Variants in TMPRSS5 observed in about 807,000 individuals in gnomAD.
TMPRSS5 encodes transmembrane serine protease 5.
In TMPRSS5, 45 loss-of-function variants were observed where a neutral mutation model predicts 59.7. The observed-to-expected ratio is 0.75, with a 90% confidence interval of 0.59 to 0.97. The LOEUF (loss-of-function observed/expected upper bound fraction) is 0.97, where lower values mean the gene tolerates loss of function less well. TMPRSS5 is among the 50% of genes least tolerant of loss of function. TMPRSS5 has a pLI of 0.00. For missense variants in TMPRSS5, 585 were observed against 596.7 expected (o/e 0.98, Z 0.20); for synonymous variants, 225 against 232.0 (o/e 0.97, Z 0.27).
Position 113,706,162 on chromosome 11 carries a change from G to A in TMPRSS5, c.3+60C>T. On this transcript the variant is annotated intron_variant, in intron 1 of 12. Coordinates refer to ENST00000299882, the MANE Select transcript of TMPRSS5 (RefSeq NM_030770.4). ...AGCCTAGAATCCCAAGGGCAGAGGA[G>A]GGAGAGAGAAAGAAAGAGAGAGAGG... 2.6e-6 allele frequency: 4 copies of A among 1,568,268 alleles called. No homozygotes were observed. The South Asian group carries it at 3.5e-5, about 14-fold the overall frequency.
chr11:113,695,328 C>T, intron 7 of TMPRSS5, 72 bp downstream of exon 7: 1 of 1,555,966 alleles, frequency 6.4e-7, no homozygotes, highest in Non-Finnish European at 8.8e-7. Context: ...CCATAGGGCT[C>T]TTCCACACTT....
rs949924613 is a variant in TMPRSS5 at position 113,690,139 on chromosome 11, A to C, written c.1206+92T>G. The C allele has an allele frequency of 6.8e-6, 10 of 1,468,566 alleles. No individual in the cohort carries two copies. In the African/African-American group the frequency reaches 1.4e-4, roughly 21 times the overall value. The allele number at this position is 1,468,566 out of a possible 1,614,324, so 91.0% of individuals were successfully genotyped here. A position where few individuals can be genotyped will look rare whatever the true frequency, so the allele number is the denominator to read the frequency against. The stretch of plus-strand genomic sequence containing the variant: ...GCTGTCTCACACCACTGACAAGCTC[A>C]GACCAGGGCAGGGGGCCAAGTCACA... On this transcript the variant is annotated intron_variant, in intron 11 of 12. Coordinates refer to ENST00000299882, the MANE Select transcript of TMPRSS5 (RefSeq NM_030770.4).
intron 1 of TMPRSS5, among the ~76,000 whole-genome samples, chr11:113,702,474 G>C (rs1953167484): frequency 6.6e-6 from 1 of 152,158 alleles, no homozygotes; most frequent in South Asian, 2.1e-4. Flanking sequence ...AAAATTTGTA[G>C]CCTGATGATG....
Position 113,690,363 on chromosome 11 carries a change from C to A in TMPRSS5, c.1074G>T (p.Ser358=), listed in dbSNP as rs745640138. ...GHTHPSHTYS[S]DMLQDTVVPL... is the part of the protein sequence containing the mutation. Reference sequence around the variant, plus strand: ...GCACCACCGTGTCCTGGAGCATATCCGAGCTGTAAGCTATGAGAGACACCG... The same window carrying A: ...GCACCACCGTGTCCTGGAGCATATCAGAGCTGTAAGCTATGAGAGACACCG... The change falls in exon 11 of 13, where the codon TCG becomes TCT. Residue 358 remains serine, a synonymous_variant. Transcript: ENST00000299882. The A allele has an allele frequency of 1.2e-6, 2 of 1,605,340 alleles. No individual in the cohort carries two copies. The highest frequency in any genetic ancestry group is 3.4e-5 in the Admixed American group (2 of 58,472).
At chr11:113,692,722 A>G (rs1290198158) in intron 9 of TMPRSS5, among the ~76,000 whole-genome samples, 1 of 152,166 alleles carries the variant, frequency 6.6e-6, no homozygotes, top group Non-Finnish European at 1.5e-5. Context: ...TGTATCTCAT[A>G]AACTGTAACA....
rs776460873 is a variant in TMPRSS5, at chr11:113,694,564, G to C, written c.699C>G (p.Ala233=). ...TGTGCCGGAAGCCCAGGGCCACGCT[G>C]GCCTGCCACGGCCAGCGCCCAGGAG... is the stretch of plus-strand genomic sequence containing the variant. ...SVAPGRWPWQ[A]SVALGFRHTC... The change falls in exon 8 of 13, where the codon GCC becomes GCG. Residue 233 remains alanine, a synonymous_variant. Coordinates refer to ENST00000299882, the MANE Select transcript of TMPRSS5 (RefSeq NM_030770.4). 7 of 1,542,316 alleles carry C rather than the reference G, an allele frequency of 4.5e-6. No individual in the cohort carries two copies. Among genetic ancestry groups the C allele is most frequent in the Non-Finnish European group, 6.1e-6 (7 of 1,143,996 alleles).
chr11:113,697,818 T>C (rs1952972449), intron 4 of TMPRSS5, among the ~76,000 whole-genome samples: 1 of 152,204 alleles, frequency 6.6e-6, no homozygotes, highest in Non-Finnish European at 1.5e-5. Flanking sequence ...AATCTTGTGA[T>C]AATAATAATT....
rs1565263549 is a variant in TMPRSS5 at position 113,699,251 on chromosome 11, CT to C, written c.206-225del. 6.5e-3 allele frequency among the ~76,000 whole-genome samples: 550 copies of C among 84,616 alleles called. 9 individuals carry two copies. Among genetic ancestry groups the C allele is most frequent in the East Asian group, 0.012 (32 of 2,660 alleles). The allele number at this position is 84,616 out of a possible 152,430, so 55.5% of individuals were successfully genotyped here. ...TCTCTCTCTCTCTCTCTCTCTCTCTCTCTCTCTCTCTCTCTCTCTCCCTCTC... is the reference window on the plus strand; with the variant it reads ...TCTCTCTCTCTCTCTCTCTCTCTCTCCTCTCTCTCTCTCTCTCTCCCTCTC... On this transcript the variant is annotated intron_variant, in intron 3 of 12. Transcript: ENST00000299882.
chr11:113,692,297 A>G (rs1269270865), intron 9 of TMPRSS5, among the ~76,000 whole-genome samples: 2 of 152,232 alleles, frequency 1.3e-5, no homozygotes, highest in African/African-American at 4.8e-5. Context: ...GACGGGAGGA[A>G]GGAGTGTTAA....
At chr11:113,691,128 C>G in intron 9 of TMPRSS5, 189 bp from the exon 10 acceptor site, 1 of 588,858 alleles carries the variant, frequency 1.7e-6, no homozygotes, top group Non-Finnish European at 3.1e-6. Flanking sequence ...TTTGGGGTCC[C>G]CTGTCACAGA....
intron 5 of TMPRSS5, 72 bp downstream of exon 5, chr11:113,697,211 A>C: frequency 1.1e-5 from 17 of 1,545,248 alleles, no homozygotes; most frequent in Middle Eastern, 2.4e-4. Context: ...ACGGGCAGGT[A>C]GAGGTCTCCA....
chr11:113,696,728 G>C (rs1326215118), intron 6 of TMPRSS5, 130 bp downstream of exon 6: 1 of 635,560 alleles, frequency 1.6e-6, no homozygotes, highest in Non-Finnish European at 2.8e-6. Flanking sequence ...ACTAGGAAAT[G>C]TTCCTCTTTG....
chr11:113,699,097 A>T, intron 3 of TMPRSS5, 70 bp from the exon 4 acceptor site: 1 of 1,545,122 alleles, frequency 6.5e-7, no homozygotes, highest in Non-Finnish European at 8.8e-7. Context: ...CCTCCTCATC[A>T]GCCACCTTGC....
chr11:113,694,324 AT>A (rs1952865364), intron 8 of TMPRSS5, 153 bp downstream of exon 8: 1 of 629,082 alleles, frequency 1.6e-6, no homozygotes, highest in Non-Finnish European at 2.8e-6. Context: ...TCTGTTCTTG[AT>A]ACTGAATGAG....
chr11:113,693,007 C>G (rs1952824562), intron 9 of TMPRSS5, 64 bp downstream of exon 9: 11 of 1,269,902 alleles, frequency 8.7e-6, no homozygotes, highest in Middle Eastern at 2.2e-4. Flanking sequence ...ACCACTCTCC[C>G]ACCCAGCCCC....
rs562297984 is a variant in TMPRSS5, at chr11:113,697,323, C to G, written c.424G>C (p.Ala142Pro). The G allele has an allele frequency of 9.5e-5, 153 of 1,613,344 alleles. No individual in the cohort carries two copies. The highest frequency in any genetic ancestry group is 1.3e-4 in the Non-Finnish European group (149 of 1,179,486). Residue 142 changes from alanine to proline, a missense_variant, in exon 5 of 13, where the codon GCC becomes CCC. Physicochemically the swap from Ala to Pro is conservative, Grantham distance 27 (BLOSUM62 -1). Transcript: ENST00000299882. ...CTCCAGCAGATCTGCAGCCCCAGGG[C>G]GGGGCTCCAGCCCTCATGGCAGACC... ...LLVCHEGWSP[A>P]LGLQICWSLG...
intron 8 of TMPRSS5, chr11:113,694,255 A>C (rs937962363): frequency 7.3e-6 from 3 of 409,132 alleles, no homozygotes; most frequent in East Asian, 3.8e-5. Flanking sequence ...AAAAAAAAAA[A>C]AAAAAAACTG....
At chr11:113,695,576 T>C in intron 6 of TMPRSS5, 133 bp from the exon 7 acceptor site, 1 of 840,922 alleles carries the variant, frequency 1.2e-6, no homozygotes. Context: ...AGCCACAGCC[T>C]GAAGAATACC....
chr11:113,699,528 C>T (rs1953061949), intron 3 of TMPRSS5, 67 bp downstream of exon 3: 2 of 1,350,644 alleles, frequency 1.5e-6, no homozygotes, highest in Non-Finnish European at 2.1e-6. Context: ...TTACCTTTAA[C>T]ACCTGCTCAG....
Sources: gnomAD v4.1 joint callset for allele counts (sites outside exome capture counted in the v4.1 genomes callset) on GRCh38, gnomAD v4.1.1 for gene constraint, MANE v1.5 for transcripts, NCBI Gene and HGNC (gene_info 2026-07-23, HGNC 2026-07-21) for gene names.